CUX1: variants seen among roughly 807,000 people sequenced by gnomAD.
CUX1 encodes the protein cut like homeobox 1, also known as protein CASP.
CUX1 carries 31 observed loss-of-function variants against 158.8 expected under a neutral mutation model. That is an observed-to-expected ratio of 0.20 (90% CI 0.15 to 0.26). The LOEUF is 0.26. CUX1 is among the 10% of genes least tolerant of loss of function. The probability of loss-of-function intolerance (pLI) is 1.00; values close to 1 mark genes in which losing one functional copy is unlikely to be tolerated. For synonymous variants in CUX1, 879 were observed against 862.1 expected (o/e 1.02, Z -0.34); for missense variants, 1,589 against 2,014.6 (o/e 0.79, Z 4.04).
Position 102,249,093 on chromosome 7 carries a change from C to T in CUX1, c.*51C>T, listed in dbSNP as rs1721591749. 8 of 1,211,470 alleles carry T rather than the reference C, an allele frequency of 6.6e-6. No individual in the cohort carries two copies. Among genetic ancestry groups the T allele is most frequent in the Admixed American group, 4.5e-5 (1 of 22,302 alleles). 75.0% of individuals were successfully genotyped at this position (1,211,470 alleles called of 1,614,324 possible). A position where few individuals can be genotyped will look rare whatever the true frequency, so the allele number is the denominator to read the frequency against. On this transcript the variant is annotated 3_prime_UTR_variant, in exon 24 of 24. Coordinates refer to ENST00000292535, the MANE Select transcript of CUX1 (RefSeq NM_181552.4). ...CCAGGCTGGGCCGCAAGGGCCTGGA[C>T]GGGGTCGGACGGGGCAGGCGCTGCG...
intron 6 of CUX1, among the ~76,000 whole-genome samples, chr7:102,109,410 C>G (rs186298335): frequency 6.6e-6 from 1 of 152,092 alleles, no homozygotes; most frequent in Non-Finnish European, 1.5e-5. Context: ...GCAGAGTATA[C>G]GAAAACACAC....
intron 8 of CUX1, chr7:102,125,505 A>G (rs782726280): frequency 1.3e-5 from 2 of 152,224 alleles, no homozygotes; most frequent in Non-Finnish European, 2.9e-5. Context: ...TCTCAGTGAC[A>G]TAGCACGTCT....
intron 21 of CUX1, chr7:102,282,593 C>T (rs934972371): frequency 3.2e-5 from 32 of 1,005,920 alleles, no homozygotes; most frequent in Admixed American, 2.4e-4. Flanking sequence ...AAGACCCACC[C>T]GCCCCGGAGT....
chr7:102,009,517 T>G (rs748582810), intron 2 of CUX1, among the ~76,000 whole-genome samples: 5 of 152,232 alleles, frequency 3.3e-5, no homozygotes, highest in Non-Finnish European at 5.9e-5. Flanking sequence ...GGTCTCGAAC[T>G]CCTGACCTCA....
rs1224471787 is a variant in CUX1 at position 102,253,173 on chromosome 7, G to A, written c.*4131G>A. ...AAAAACCATCCTGTCTGATGTGGAC[G>A]TTCAGGTCTGCTGGTTGGCGGTCCG... is the stretch of plus-strand genomic sequence containing the variant. On this transcript the variant is annotated 3_prime_UTR_variant, in exon 24 of 24. Transcript: ENST00000292535. The A allele has an allele frequency of 6.8e-5, 67 of 985,338 alleles. No individual in the cohort carries two copies. Among genetic ancestry groups the A allele is most frequent in the Non-Finnish European group, 7.8e-5 (65 of 829,972 alleles). The allele number at this position is 985,338 out of a possible 1,614,324, so 61.0% of individuals were successfully genotyped here. A position where few individuals can be genotyped will look rare whatever the true frequency, so the allele number is the denominator to read the frequency against.
Position 102,256,059 on chromosome 7 carries a change from C to T in CUX1, c.*7017C>T, listed in dbSNP as rs1051025895. On this transcript the variant is annotated 3_prime_UTR_variant, in exon 24 of 24. Coordinates refer to ENST00000292535, the MANE Select transcript of CUX1 (RefSeq NM_181552.4). ...GAACCGAAGGGAAAACAGGCCTCCC[C>T]GACTCCCTCCAGTCTCCCAGCCTGC... The T allele has an allele frequency of 9.5e-5, 94 of 985,460 alleles. No individual in the cohort carries two copies. Among genetic ancestry groups the T allele is most frequent in the South Asian group, 9.4e-5 (2 of 21,286 alleles). The allele number at this position is 985,460 out of a possible 1,614,324, so 61.0% of individuals were successfully genotyped here.
intron 3 of CUX1, among the ~76,000 whole-genome samples, chr7:102,044,201 G>T (rs1344946762): frequency 1.3e-5 from 2 of 149,454 alleles, no homozygotes; most frequent in Non-Finnish European, 3.0e-5. Flanking sequence ...GTTTTTTTTG[G>T]AAAGAGTCTT....
intron 6 of CUX1, among the ~76,000 whole-genome samples, chr7:102,107,687 A>G (rs1416815256): frequency 6.6e-6 from 1 of 152,188 alleles, no homozygotes; most frequent in Admixed American, 6.5e-5. Flanking sequence ...ATCTCTTTTC[A>G]TAGAGGGAGA....
intron 1 of CUX1, among the ~76,000 whole-genome samples, chr7:101,823,141 C>T (rs1266472578): frequency 2.0e-5 from 3 of 152,080 alleles, no homozygotes; most frequent in Non-Finnish European, 4.4e-5. Context: ...ATTAGAGCCT[C>T]GGGCCATGGG....
intron 2 of CUX1, among the ~76,000 whole-genome samples, chr7:101,980,963 G>C (rs989560642): frequency 1.3e-5 from 2 of 152,174 alleles, no homozygotes. Context: ...CGAGTCACAT[G>C]CTGCGTCTTT....
upstream of CUX1, chr7:101,817,475 C>G (rs1791985205): frequency 3.7e-6 from 4 of 1,083,434 alleles, no homozygotes; most frequent in Non-Finnish European, 3.4e-6. The surrounding 1 kb of genome is among the most constrained non-coding windows in gnomAD (Gnocchi z 4.1). Flanking sequence ...GCGGGGGGAC[C>G]GTGCCGGGGC....
At chr7:101,920,866 T>G (rs955487884) in intron 2 of CUX1, among the ~76,000 whole-genome samples, 56 of 151,778 alleles carry the variant, frequency 3.7e-4, no homozygotes, top group African/African-American at 1.1e-3. Context: ...TATATTTTTG[T>G]TTTTTTTGGA....
intron 1 of CUX1, among the ~76,000 whole-genome samples, chr7:101,911,156 C>A (rs1803386910): frequency 6.6e-6 from 1 of 152,298 alleles, no homozygotes; most frequent in Admixed American, 6.5e-5. Context: ...CCTGCCCCTG[C>A]AGTGGACTGC....
intron 21 of CUX1, among the ~76,000 whole-genome samples, chr7:102,228,574 C>T (rs1429310179): frequency 4.6e-5 from 7 of 152,166 alleles, no homozygotes; most frequent in South Asian, 4.1e-4. Flanking sequence ...GCAGGAGGAT[C>T]GCTTGAGTCC....
In CUX1 at chr7:102,028,674, C is replaced by T. The variant is rs146646866; in HGVS notation, c.189+529C>T. 5.0e-3 allele frequency among the ~76,000 whole-genome samples: 761 copies of T among 152,286 alleles called. 7 individuals carry two copies. Among genetic ancestry groups the T allele is most frequent in the African/African-American group, 0.016 (669 of 41,556 alleles). On this transcript the variant is annotated intron_variant, in intron 3 of 23. Transcript: ENST00000292535. Reference sequence around the variant, plus strand: ...TCTAACGGATCCTTCCAGAGAAGGACGGAGCCATCTGGCAGACGGCACGTG... The same window carrying T: ...TCTAACGGATCCTTCCAGAGAAGGATGGAGCCATCTGGCAGACGGCACGTG...
intron 2 of CUX1, among the ~76,000 whole-genome samples, chr7:101,989,650 C>T (rs1323167360): frequency 9.2e-5 from 14 of 152,130 alleles, no homozygotes; most frequent in Admixed American, 2.6e-4. Context: ...AGATTCTCAC[C>T]GGGGCTTTTG....
chr7:102,026,229 T>C (rs28668902), intron 2 of CUX1, among the ~76,000 whole-genome samples: 18,916 of 152,062 alleles, frequency 0.12, 1,245 homozygotes, highest in Non-Finnish European at 0.15. Flanking sequence ...CCCTCTGCAA[T>C]GATGGAAAAA....
chr7:102,168,276 T>C (rs1791277221), intron 9 of CUX1, among the ~76,000 whole-genome samples: 1 of 152,040 alleles, frequency 6.6e-6, no homozygotes, highest in Non-Finnish European at 1.5e-5. Context: ...TTCAACTGAA[T>C]GTAATTCCAA....
At position 102,252,677 on chromosome 7, in the gene CUX1, G is replaced by C. The variant is rs1801641952; in HGVS notation, c.*3635G>C. 1 of 985,394 alleles carries C rather than the reference G, an allele frequency of 1.0e-6. No homozygotes were observed. The highest frequency in any genetic ancestry group is 1.1e-4 in the East Asian group (1 of 8,810). The allele number at this position is 985,394 out of a possible 1,614,324, so 61.0% of individuals were successfully genotyped here. A position where few individuals can be genotyped will look rare whatever the true frequency, so the allele number is the denominator to read the frequency against. ...CCGAGATGGCAGGTGTGTGAGTTCTGTCCTAGACCTGTGCCCAACTCACTT... is the reference window on the plus strand; with the variant it reads ...CCGAGATGGCAGGTGTGTGAGTTCTCTCCTAGACCTGTGCCCAACTCACTT... On this transcript the variant is annotated 3_prime_UTR_variant, in exon 24 of 24. Transcript: ENST00000292535.
Sources: gnomAD v4.1 joint callset for allele counts (sites outside exome capture counted in the v4.1 genomes callset) on GRCh38, gnomAD v4.1.1 for gene constraint, Gnocchi (gnomAD v3.1) non-coding constraint, MANE v1.5 for transcripts, NCBI Gene and HGNC (gene_info 2026-07-23, HGNC 2026-07-21) for gene names.